The following ARHGEF10L variants were observed in gnomAD, a reference collection of about 807,000 sequenced individuals.
The protein encoded by ARHGEF10L is rho guanine nucleotide exchange factor 10-like protein.
ARHGEF10L carries 69 observed loss-of-function variants against 141.2 expected under a neutral mutation model. The observed-to-expected ratio is 0.49, with a 90% CI of 0.40 to 0.60. The LOEUF is 0.60. ARHGEF10L is among the 20% of genes least tolerant of loss of function. ARHGEF10L has a pLI of 0.00. For synonymous variants in ARHGEF10L, 711 were observed against 718.5 expected (o/e 0.99, Z 0.17); for missense variants, 1,482 against 1,734.3 (o/e 0.85, Z 2.58).
chr1:17,588,400 G>GA, intron 3 of ARHGEF10L, 46 bp from the exon 4 acceptor site: 1 of 1,610,594 alleles, frequency 6.2e-7, no homozygotes, highest in Non-Finnish European at 8.5e-7. Flanking sequence ...AGTGCCTGGG[G>GA]CCAGCCTCTG....
intron 15 of ARHGEF10L, among the ~76,000 whole-genome samples, chr1:17,631,655 A>C (rs2060699722): frequency 6.6e-6 from 1 of 152,170 alleles, no homozygotes; most frequent in Non-Finnish European, 1.5e-5. Flanking sequence ...GTGTCATCAC[A>C]CGTGACCTGT....
At position 17,697,046 on chromosome 1, in the gene ARHGEF10L, A is replaced by G. The variant is rs1265059704; in HGVS notation, c.3506A>G (p.Lys1169Arg). ...SHVGRELTRKKGILLQYRLRS... is the reference protein window; with the variant it reads ...SHVGRELTRKRGILLQYRLRS... ...GTGGGCCGAGAGCTGACCCGCAAGA[A>G]GGGCATCCTCTTGCAGTACCGCCTG... The change falls in exon 29 of 29, where the codon AAG becomes AGG. Residue 1169 changes from lysine to arginine, a missense_variant. Physicochemically the swap from Lys to Arg is conservative, Grantham distance 26. Coordinates refer to ENST00000361221, the MANE Select transcript of ARHGEF10L (RefSeq NM_018125.4). This position sits in a 1 kb window ranked among gnomAD's most constrained non-coding sequence, Gnocchi z 4.8. 1 of 1,604,258 alleles carries G rather than the reference A, an allele frequency of 6.2e-7. No homozygotes were observed. The highest frequency in any genetic ancestry group is 1.7e-5 in the Admixed American group (1 of 59,436).
At chr1:17,638,435 C>T in intron 19 of ARHGEF10L, 127 bp from the exon 20 acceptor site, 1 of 1,390,234 alleles carries the variant, frequency 7.2e-7, no homozygotes, top group Non-Finnish European at 9.8e-7. Flanking sequence ...AATGTGCAGC[C>T]TCAGTGAGGC....
chr1:17,697,131 T>G lies in ARHGEF10L; in HGVS notation c.3591T>G (p.Asp1197Glu). 6.2e-7 allele frequency: 1 copy of G among 1,610,950 alleles called. No individual in the cohort carries two copies. Among genetic ancestry groups the G allele is most frequent in the Non-Finnish European group, 8.5e-7 (1 of 1,178,836 alleles). ...CCATGCGGGAGCCGGCGCCTGCTGA[T>G]GGCGCAGCTTTGGAGCACAGCGAGG... ...LLSMREPAPA[D>E]GAALEHSEED... Residue 1197 changes from aspartate to glutamate, a missense_variant, in exon 29 of 29, where the codon GAT becomes GAG. By Grantham distance (45) the Asp-to-Glu change is conservative (BLOSUM62 2). Transcript: ENST00000361221. The surrounding 1 kb of genome is among the most constrained non-coding windows in gnomAD (Gnocchi z 4.8).
chr1:17,551,616 G>T (rs2077115943), intron 1 of ARHGEF10L, among the ~76,000 whole-genome samples: 1 of 152,132 alleles, frequency 6.6e-6, no homozygotes, highest in Non-Finnish European at 1.5e-5. Context: ...GGTAGAGATT[G>T]GGCTGCAAGG....
At chr1:17,531,341 G>T in the ARHGEF10L span, among the ~76,000 whole-genome samples, 1 of 152,198 alleles carries the variant, frequency 6.6e-6, no homozygotes, top group African/African-American at 2.4e-5. Flanking sequence ...CACTAGGTGG[G>T]TCAACATGAC....
intron 25 of ARHGEF10L, among the ~76,000 whole-genome samples, chr1:17,657,513 C>A (rs1374086191): frequency 6.6e-6 from 1 of 152,180 alleles, no homozygotes; most frequent in African/African-American, 2.4e-5. Context: ...GAAGGGCCCG[C>A]AGCGTCTCTT....
rs1359279032 is a variant in ARHGEF10L, at chr1:17,687,564, G to A, written c.3010-9G>A. The A allele has an allele frequency of 6.2e-7, 1 of 1,612,522 alleles. No homozygotes were observed. The highest frequency in any genetic ancestry group is 1.3e-5 in the African/African-American group (1 of 74,884). ...AGCCAGTATCGACACTCCTCCCTTT[G>A]TGCCACAGCAAAGCTTCGAGGCGCA... On this transcript the variant is annotated splice_polypyrimidine_tract_variant and intron_variant, in intron 26 of 28. Coordinates refer to ENST00000361221, the MANE Select transcript of ARHGEF10L (RefSeq NM_018125.4).
intron 22 of ARHGEF10L, 56 bp downstream of exon 22, chr1:17,648,731 G>A (rs1215590421): frequency 7.6e-6 from 12 of 1,588,992 alleles, no homozygotes; most frequent in South Asian, 4.5e-5. Context: ...GCTCCCCCTC[G>A]CCTGGGAGAA....
At chr1:17,685,169 G>A (rs2102469288) in intron 26 of ARHGEF10L, among the ~76,000 whole-genome samples, 1 of 152,274 alleles carries the variant, frequency 6.6e-6, no homozygotes, top group Middle Eastern at 3.4e-3. Context: ...AGGTCTTCGG[G>A]GGCTGGACAA....
chr1:17,547,926 C>T (rs1296998888), intron 1 of ARHGEF10L, among the ~76,000 whole-genome samples: 3 of 152,154 alleles, frequency 2.0e-5, no homozygotes, highest in African/African-American at 7.2e-5. Context: ...TGGGAGTAGA[C>T]GCTGGGAGTA....
At chr1:17,620,151 C>T (rs755417048) in intron 10 of ARHGEF10L, among the ~76,000 whole-genome samples, 10 of 149,150 alleles carry the variant, frequency 6.7e-5, no homozygotes, top group Middle Eastern at 3.5e-3. Flanking sequence ...TGCAGTGAGC[C>T]GAGATCGCGC....
chr1:17,546,202 GTCTT>G (rs1239907013), intron 1 of ARHGEF10L, among the ~76,000 whole-genome samples: 6 of 152,080 alleles, frequency 3.9e-5, no homozygotes, highest in Non-Finnish European at 8.8e-5. Context: ...AAGCTTGCTG[GTCTT>G]CCAGCCCCTG....
rs781534515 is a variant in ARHGEF10L, at chr1:17,656,699, C to T, written c.2851C>T (p.Arg951Trp). 1.6e-5 allele frequency: 25 copies of T among 1,612,382 alleles called. No individual in the cohort carries two copies. Among genetic ancestry groups the T allele is most frequent in the Admixed American group, 1.2e-4 (7 of 59,982 alleles). ...GGATGGGACCCTTGCTGCTTACCCT[C>T]GGACCAGCGGTGAGGACTGGGGGGA... ...LQDGTLAAYPRTSGGVLWDLE... is the reference protein window; with the variant it reads ...LQDGTLAAYPWTSGGVLWDLE... The change falls in exon 25 of 29, where the codon CGG (arginine) becomes TGG (tryptophan). Residue 951 changes from arginine (R) to tryptophan (W), a missense_variant. By Grantham distance (101) the Arg-to-Trp change is moderately radical. This residue lies in a region of ARHGEF10L where 858 missense variants were observed against 966.3 expected (regional missense o/e 0.89). Coordinates refer to ENST00000361221, the MANE Select transcript of ARHGEF10L (RefSeq NM_018125.4). This position sits in a 1 kb window ranked among gnomAD's most constrained non-coding sequence, Gnocchi z 4.9.
intron 2 of ARHGEF10L, among the ~76,000 whole-genome samples, chr1:17,584,371 C>T (rs1366327083): frequency 6.6e-6 from 1 of 152,114 alleles, no homozygotes; most frequent in Non-Finnish European, 1.5e-5. Context: ...AAAATTACCA[C>T]CCATAGACAT....
At chr1:17,585,964 ACCC>A (rs1377989026) in intron 2 of ARHGEF10L, among the ~76,000 whole-genome samples, 1 of 152,154 alleles carries the variant, frequency 6.6e-6, no homozygotes, top group Non-Finnish European at 1.5e-5. Context: ...GGCTACTCCT[ACCC>A]AGTGGTTCTC....
At chr1:17,540,609 A>C (rs1281668916) in intron 1 of ARHGEF10L, among the ~76,000 whole-genome samples, 1 of 151,748 alleles carries the variant, frequency 6.6e-6, no homozygotes, top group Non-Finnish European at 1.5e-5. Context: ...GCCTGACTGT[A>C]GGGGGCATGG....
At chr1:17,602,673 C>T (rs1314420611) in intron 5 of ARHGEF10L, among the ~76,000 whole-genome samples, 2 of 152,126 alleles carry the variant, frequency 1.3e-5, no homozygotes, top group Non-Finnish European at 2.9e-5. Context: ...CAGCAAGGGC[C>T]TCATCTGTGG....
chr1:17,514,198 A>T, the ARHGEF10L span, among the ~76,000 whole-genome samples: 1 of 125,464 alleles, frequency 8.0e-6, no homozygotes, highest in East Asian at 2.5e-4. Context: ...GTACAGTGGC[A>T]TGATCTCAGC....
Sources: allele counts gnomAD v4.1 joint callset (sites outside exome capture counted in the v4.1 genomes callset), GRCh38; gene constraint gnomAD v4.1.1; regional missense constraint gnomAD v4.1.1; non-coding constraint Gnocchi (gnomAD v3.1); transcripts MANE v1.5; gene names NCBI Gene and HGNC (gene_info 2026-07-23, HGNC 2026-07-21).